CAMKK1: variants seen among roughly 807,000 people sequenced by gnomAD.
CAMKK1 encodes the protein calcium/calmodulin-dependent protein kinase kinase 1.
CAMKK1 carries 20 observed loss-of-function variants against 63.5 expected under a neutral mutation model. That is an observed-to-expected ratio of 0.32 (90% confidence interval 0.22 to 0.46). CAMKK1 has a LOEUF of 0.46. CAMKK1 is among the 20% of genes least tolerant of loss of function. The probability of loss-of-function intolerance (pLI) is 1.00; values close to 1 mark genes in which losing one functional copy is unlikely to be tolerated. For missense variants in CAMKK1, 588 were observed against 658.1 expected (o/e 0.89, Z 1.17); for synonymous variants, 253 against 269.0 (o/e 0.94, Z 0.58).
chr17:3,868,271 C>A (rs111787097), intron 14 of CAMKK1, among the ~76,000 whole-genome samples: 19,131 of 97,812 alleles, frequency 0.2, 2,987 homozygotes, highest in South Asian at 0.25. Context: ...AAGCAGGCGC[C>A]GTCTAACTGA....
Position 3,865,967 on chromosome 17 carries a change from C to T in CAMKK1, c.1386G>A (p.Pro462=), listed in dbSNP as rs148525822. The T allele has an allele frequency of 6.1e-5, 99 of 1,614,202 alleles. No individual in the cohort carries two copies. The Middle Eastern group carries it at 6.6e-4, about 11-fold the overall frequency. Reference sequence around the variant, plus strand: ...CTTCCCTCCGTGCTTGGGGCTCAAACGGGTTCCCAAAGGAACGCTTCCTCA... The same window carrying T: ...CTTCCCTCCGTGCTTGGGGCTCAAATGGGTTCCCAAAGGAACGCTTCCTCA... ...SMLRKRSFGN[P]FEPQARREER... The change falls in exon 15 of 16, where the codon CCG becomes CCA. Residue 462 remains proline, a synonymous_variant. Transcript: ENST00000348335.
chr17:3,890,325 A>G lies in CAMKK1; in HGVS notation c.-44+2614T>C, dbSNP rs2055847850. Among the ~76,000 whole-genome samples, 1 of 152,138 alleles carries G rather than the reference A, an allele frequency of 6.6e-6. No individual in the cohort carries two copies. Among genetic ancestry groups the G allele is most frequent in the South Asian group, 2.1e-4 (1 of 4,822 alleles). ...CCCTGGGGAGCCCCCAAGCACCAAT[A>G]CGGGCTGTTGCCTGACTCAGCACAG... On this transcript the variant is annotated intron_variant, in intron 1 of 15. Coordinates refer to ENST00000348335, the MANE Select transcript of CAMKK1 (RefSeq NM_032294.3). This position sits in a 1 kb window ranked among gnomAD's most constrained non-coding sequence, Gnocchi z 6.5.
At position 3,872,463 on chromosome 17, in the gene CAMKK1, G is replaced by C. The variant is rs2054930987; in HGVS notation, c.1124+91C>G. On this transcript the variant is annotated intron_variant, in intron 12 of 15. Coordinates refer to ENST00000348335, the MANE Select transcript of CAMKK1 (RefSeq NM_032294.3). ...CCGCCACCTTCATATCTGCAGGCTG[G>C]GGTGGGGTCCTCAGAGGGCAAAAGC... 57 of 1,023,450 alleles carry C rather than the reference G, an allele frequency of 5.6e-5. No homozygotes were observed. The South Asian group carries it at 7.1e-4, about 13-fold the overall frequency. The allele number at this position is 1,023,450 out of a possible 1,614,324, so 63.4% of individuals were successfully genotyped here. A position where few individuals can be genotyped will look rare whatever the true frequency, so the allele number is the denominator to read the frequency against.
intron 12 of CAMKK1, among the ~76,000 whole-genome samples, chr17:3,870,514 C>T (rs1260235943): frequency 3.9e-5 from 6 of 152,172 alleles, no homozygotes; most frequent in Non-Finnish European, 7.4e-5. Flanking sequence ...TACAGGTGCC[C>T]GCCACCGTGC....
chr17:3,880,674 T>C (rs1194352101), intron 8 of CAMKK1, among the ~76,000 whole-genome samples: 1 of 152,260 alleles, frequency 6.6e-6, no homozygotes, highest in East Asian at 1.9e-4. Context: ...TTCTTCTAAG[T>C]ACTTAATTGT....
intron 14 of CAMKK1, among the ~76,000 whole-genome samples, chr17:3,867,267 G>C (rs889683951): frequency 6.6e-6 from 1 of 152,176 alleles, no homozygotes; most frequent in African/African-American, 2.4e-5. Flanking sequence ...GGGACTCCCC[G>C]GGCAGAGGGA....
chr17:3,885,819 A>G, intron 1 of CAMKK1, 89 bp from the exon 2 acceptor site: 1 of 1,332,630 alleles, frequency 7.5e-7, no homozygotes, highest in Non-Finnish European at 1.0e-6. Flanking sequence ...TCCCACCTCC[A>G]TGCCTTTGCC....
chr17:3,884,467 G>A lies in CAMKK1; in HGVS notation c.361-40C>T. ...CGAGCACCAGGTGGAGCTGGGTCCG[G>A]AGGCAGCACTGCTCCTACCTCAGAG... On this transcript the variant is annotated intron_variant, in intron 2 of 15. Transcript: ENST00000348335. The surrounding 1 kb of genome is among the most constrained non-coding windows in gnomAD (Gnocchi z 4.5). 1 of 1,599,528 alleles carries A rather than the reference G, an allele frequency of 6.3e-7. No individual in the cohort carries two copies. The highest frequency in any genetic ancestry group is 8.6e-7 in the Non-Finnish European group (1 of 1,168,914).
chr17:3,872,132 C>A (rs34469178), intron 12 of CAMKK1, among the ~76,000 whole-genome samples: 1 of 152,050 alleles, frequency 6.6e-6, no homozygotes, highest in Admixed American at 6.5e-5. Flanking sequence ...TCCCAGCCCC[C>A]TGACCGCTCT....
chr17:3,875,738 C>G (rs1027723908), intron 10 of CAMKK1, among the ~76,000 whole-genome samples: 3 of 152,174 alleles, frequency 2.0e-5, no homozygotes, highest in Non-Finnish European at 4.4e-5. Flanking sequence ...ACTTTGCCTA[C>G]GCTCCTGTCA....
rs566673662 is a variant in CAMKK1, at chr17:3,887,672, G to A, written c.-43-1942C>T. On this transcript the variant is annotated intron_variant, in intron 1 of 15. Transcript: ENST00000348335. The surrounding 1 kb of genome is among the most constrained non-coding windows in gnomAD (Gnocchi z 6.1). ...AGAGAGGACAGAGAGTGGGGCTGTGGCATAAGGAGGCCTCCCCAGAGGAGG... is the reference window on the plus strand; with the variant it reads ...AGAGAGGACAGAGAGTGGGGCTGTGACATAAGGAGGCCTCCCCAGAGGAGG... Among the ~76,000 whole-genome samples the A allele has an allele frequency of 2.0e-5, 3 of 151,630 alleles. No homozygotes were observed. Among genetic ancestry groups the A allele is most frequent in the East Asian group, 3.9e-4 (2 of 5,150 alleles).
chr17:3,882,607 G>T lies in CAMKK1; in HGVS notation c.649-43C>A. On this transcript the variant is annotated intron_variant, in intron 6 of 15. Coordinates refer to ENST00000348335, the MANE Select transcript of CAMKK1 (RefSeq NM_032294.3). The surrounding 1 kb of genome is among the most constrained non-coding windows in gnomAD (Gnocchi z 4.3). ...ACATGGGGGTGGGGCTTGAGGAGGCGTGGGGTTGGAGGTCCCAGGCCTCCT... is the reference window on the plus strand; with the variant it reads ...ACATGGGGGTGGGGCTTGAGGAGGCTTGGGGTTGGAGGTCCCAGGCCTCCT... 2 of 1,564,298 alleles carry T rather than the reference G, an allele frequency of 1.3e-6. No homozygotes were observed. Among genetic ancestry groups the T allele is most frequent in the Non-Finnish European group, 1.7e-6 (2 of 1,151,866 alleles).
rs886770181 is a variant in CAMKK1 at position 3,860,801 on chromosome 17, G to A, written c.*1410C>T. On this transcript the variant is annotated 3_prime_UTR_variant, in exon 16 of 16. Coordinates refer to ENST00000348335, the MANE Select transcript of CAMKK1 (RefSeq NM_032294.3). ...TGAGCTGTGTGCAACAGATGAGCACGCGACATGCACCCACAGGCGCGGAGA... is the reference window on the plus strand; with the variant it reads ...TGAGCTGTGTGCAACAGATGAGCACACGACATGCACCCACAGGCGCGGAGA... The A allele has an allele frequency of 2.0e-5, 3 of 152,240 alleles. No individual in the cohort carries two copies. Among genetic ancestry groups the A allele is most frequent in the South Asian group, 4.1e-4 (2 of 4,834 alleles). The allele number at this position is 152,240 out of a possible 1,614,324, so 9.4% of individuals were successfully genotyped here. A position where few individuals can be genotyped will look rare whatever the true frequency, so the allele number is the denominator to read the frequency against.
chr17:3,876,689 G>A (rs1198741562), intron 9 of CAMKK1, among the ~76,000 whole-genome samples: 1 of 152,054 alleles, frequency 6.6e-6, no homozygotes. Context: ...GACAAACAAG[G>A]GATCTGCTGC....
rs143261453 is a variant in CAMKK1, at chr17:3,881,616, G to A, written c.707+11C>T. 3.3e-4 allele frequency: 520 copies of A among 1,568,828 alleles called. 6 individuals are homozygous for A. The East Asian group carries it at 0.012, about 35-fold the overall frequency. On this transcript the variant is annotated intron_variant, in intron 8 of 15. Transcript: ENST00000348335. Reference sequence around the variant, plus strand: ...GAGAATTGACCTGCCTGATCAGGACGGGGAACTCACCCCTTTCTCAGGAGG... The same window carrying A: ...GAGAATTGACCTGCCTGATCAGGACAGGGAACTCACCCCTTTCTCAGGAGG...
chr17:3,886,880 C>T (rs966821683), intron 1 of CAMKK1, among the ~76,000 whole-genome samples: 5 of 152,138 alleles, frequency 3.3e-5, no homozygotes, highest in African/African-American at 1.2e-4. Flanking sequence ...TGATGCCCTT[C>T]CCCCTGCTTG....
In CAMKK1 at chr17:3,883,070, T is replaced by C; in HGVS notation, c.620A>G (p.Asp207Gly). Residue 207 changes from aspartate to glycine, a missense_variant, in exon 6 of 16, where the codon GAC (aspartate) becomes GGC (glycine). Asp to Gly is a moderately conservative substitution (Grantham distance 94). Coordinates refer to ENST00000348335, the MANE Select transcript of CAMKK1 (RefSeq NM_032294.3). This position sits in a 1 kb window ranked among gnomAD's most constrained non-coding sequence, Gnocchi z 4.7. Reference protein sequence around the residue: ...YQEIAILKKLDHVNVVKLIEV... With the variant: ...YQEIAILKKLGHVNVVKLIEV... ...GATCAGTTTGACCACATTCACGTGGTCCAGCTTCTTCAGGATGGCAATCTC... is the reference window on the plus strand; with the variant it reads ...GATCAGTTTGACCACATTCACGTGGCCCAGCTTCTTCAGGATGGCAATCTC... The C allele has an allele frequency of 6.2e-7, 1 of 1,613,924 alleles. No individual in the cohort carries two copies. Among genetic ancestry groups the C allele is most frequent in the East Asian group, 2.2e-5 (1 of 44,870 alleles).
At position 3,883,969 on chromosome 17, in the gene CAMKK1, A is replaced by T. The variant is rs772454104; in HGVS notation, c.409-32T>A. The T allele has an allele frequency of 8.1e-6, 13 of 1,610,132 alleles. No individual in the cohort carries two copies. The East Asian group carries it at 2.7e-4, about 33-fold the overall frequency. On this transcript the variant is annotated intron_variant, in intron 3 of 15. Transcript: ENST00000348335. The surrounding 1 kb of genome is among the most constrained non-coding windows in gnomAD (Gnocchi z 4.7). ...ATAGGCATCAGTCAGCCCCACCTGG[A>T]CAGGGCAACCCCTCCCAGGACCAGC...
Position 3,862,367 on chromosome 17 carries a change from T to C in CAMKK1, c.1446-84A>G. Reference sequence around the variant, plus strand: ...ACACTCTCCCTCACACACACAGGAATCTGAATCCCACATCTCTCAAAGCCC... The same window carrying C: ...ACACTCTCCCTCACACACACAGGAACCTGAATCCCACATCTCTCAAAGCCC... On this transcript the variant is annotated intron_variant, in intron 15 of 15. Transcript: ENST00000348335. The surrounding 1 kb of genome is among the most constrained non-coding windows in gnomAD (Gnocchi z 4.1). The C allele has an allele frequency of 8.8e-7, 1 of 1,142,586 alleles. No individual in the cohort carries two copies. 70.8% of individuals were successfully genotyped at this position (1,142,586 alleles called of 1,614,324 possible).
Sources: allele counts gnomAD v4.1 joint callset (sites outside exome capture counted in the v4.1 genomes callset), GRCh38; gene constraint gnomAD v4.1.1; non-coding constraint Gnocchi (gnomAD v3.1); transcripts MANE v1.5; gene names NCBI Gene and HGNC (gene_info 2026-07-23, HGNC 2026-07-21).